CRTC1: variants seen among roughly 807,000 people sequenced by gnomAD.
CRTC1 encodes CREB regulated transcription coactivator 1.
Under a neutral mutation model 66.1 loss-of-function variants are expected in CRTC1, and 18 were observed. The observed-to-expected ratio is 0.27, with a 90% CI of 0.19 to 0.40. The LOEUF is 0.40. CRTC1 is among the 10% of genes least tolerant of loss of function. The probability of loss-of-function intolerance (pLI) is 1.00; values close to 1 mark genes in which losing one functional copy is unlikely to be tolerated. For synonymous variants in CRTC1, 416 were observed against 398.8 expected (o/e 1.04, Z -0.51); for missense variants, 669 against 887.9 (o/e 0.75, Z 3.13).
chr19:18,731,890 C>T (rs532008113), intron 1 of CRTC1, among the ~76,000 whole-genome samples: 4 of 152,298 alleles, frequency 2.6e-5, no homozygotes, highest in South Asian at 4.1e-4. Flanking sequence ...CACTGGAGCC[C>T]GACCCAGGAA....
intron 1 of CRTC1, among the ~76,000 whole-genome samples, chr19:18,718,734 C>G (rs776063774): frequency 6.6e-6 from 1 of 152,094 alleles, no homozygotes; most frequent in African/African-American, 2.4e-5. Flanking sequence ...GTTTTCCCAC[C>G]TTTTGGCTGT....
chr19:18,761,500 T>G (rs897454241), intron 8 of CRTC1, among the ~76,000 whole-genome samples: 7 of 152,252 alleles, frequency 4.6e-5, no homozygotes, highest in Non-Finnish European at 1.0e-4. Flanking sequence ...CAGCCCATCC[T>G]GCCTCTGCCC....
At chr19:18,732,640 T>C (rs976426180) in intron 1 of CRTC1, among the ~76,000 whole-genome samples, 9 of 152,278 alleles carry the variant, frequency 5.9e-5, no homozygotes, top group African/African-American at 2.2e-4. Context: ...GAATGGGAAC[T>C]GTTGTGGAAG....
intron 4 of CRTC1, 79 bp from the exon 5 acceptor site, chr19:18,749,702 C>A (rs2054320783): frequency 1.7e-6 from 2 of 1,173,184 alleles, no homozygotes; most frequent in South Asian, 1.2e-5. Flanking sequence ...GTCCATCCAG[C>A]GTGTCCCAGC....
intron 11 of CRTC1, among the ~76,000 whole-genome samples, chr19:18,772,752 C>T (rs1350996914): frequency 1.3e-5 from 2 of 152,160 alleles, no homozygotes; most frequent in African/African-American, 2.4e-5. Flanking sequence ...GCAGTGGTCT[C>T]GGGGAGGCAT....
At chr19:18,724,558 G>A (rs1027837095) in intron 1 of CRTC1, among the ~76,000 whole-genome samples, 1 of 151,654 alleles carries the variant, frequency 6.6e-6, no homozygotes, top group Non-Finnish European at 1.5e-5. Context: ...CGGCAGGGCC[G>A]AGCTTCCTCT....
chr19:18,746,269 G>A (rs2054234086), intron 3 of CRTC1, among the ~76,000 whole-genome samples: 1 of 152,134 alleles, frequency 6.6e-6, no homozygotes, highest in Non-Finnish European at 1.5e-5. Context: ...AGGGCAGTGG[G>A]GCCAGGAAGG....
At chr19:18,717,013 GTGTGCGTGTGAGCATA>G (rs1054023836) in intron 1 of CRTC1, among the ~76,000 whole-genome samples, 6 of 152,196 alleles carry the variant, frequency 3.9e-5, no homozygotes, top group Admixed American at 3.9e-4. Context: ...GAGCATGTGT[GTGTGCGTGTGAGCATA>G]TGTGCATGCA....
rs1334545360 is a variant in CRTC1, at chr19:18,778,601, G to A, written c.*1219G>A. On this transcript the variant is annotated 3_prime_UTR_variant, in exon 14 of 14. Transcript: ENST00000321949. ...TGCCAGGGCCACAGAACAGACTTCC[G>A]GGAAGGGGCCTTGGCTTTTATTGAG... 11 of 230,594 alleles carry A rather than the reference G, an allele frequency of 4.8e-5. No individual in the cohort carries two copies. Among genetic ancestry groups the A allele is most frequent in the East Asian group, 2.5e-4 (4 of 16,270 alleles). The allele number at this position is 230,594 out of a possible 1,614,324, so 14.3% of individuals were successfully genotyped here.
At chr19:18,709,052 C>T (rs766285128) in intron 1 of CRTC1, among the ~76,000 whole-genome samples, 17 of 152,172 alleles carry the variant, frequency 1.1e-4, no homozygotes, top group Non-Finnish European at 7.4e-5. Context: ...CCTCTGAGCC[C>T]GCATGGTGCT....
At chr19:18,719,718 C>T (rs1021154019) in intron 1 of CRTC1, among the ~76,000 whole-genome samples, 10 of 152,336 alleles carry the variant, frequency 6.6e-5, no homozygotes, top group African/African-American at 2.4e-4. Flanking sequence ...GGAGGTGGCT[C>T]CTGGCAGATC....
rs541384246 is a variant in CRTC1 at position 18,733,449 on chromosome 19, C to T, written c.127-9461C>T. ...GGAAATTTGGCAGCAGCAACCATGCCTGATAAAAGGCATTCCGAGGCAGGC... is the reference window on the plus strand; with the variant it reads ...GGAAATTTGGCAGCAGCAACCATGCTTGATAAAAGGCATTCCGAGGCAGGC... On this transcript the variant is annotated intron_variant, in intron 1 of 13. Coordinates refer to ENST00000321949, the MANE Select transcript of CRTC1 (RefSeq NM_015321.3). Among the ~76,000 whole-genome samples, 5 of 152,304 alleles carry T rather than the reference C, an allele frequency of 3.3e-5. No individual in the cohort carries two copies. In the East Asian group the frequency reaches 7.7e-4, roughly 24 times the overall value.
rs2055109155 is a variant in CRTC1, at chr19:18,781,802, C to G, written c.*4420C>G. Reference sequence around the variant, plus strand: ...CCAGAGCCTGTATCCACCTTCTGGGCTCCTGGCCAGCACCCCACCCCCAGG... The same window carrying G: ...CCAGAGCCTGTATCCACCTTCTGGGGTCCTGGCCAGCACCCCACCCCCAGG... On this transcript the variant is annotated 3_prime_UTR_variant, in exon 14 of 14. Transcript: ENST00000321949. 4.3e-6 allele frequency: 1 copy of G among 230,794 alleles called. No homozygotes were observed. The highest frequency in any genetic ancestry group is 2.2e-5 in the African/African-American group (1 of 45,254). The allele number at this position is 230,794 out of a possible 1,614,324, so 14.3% of individuals were successfully genotyped here.
intron 1 of CRTC1, among the ~76,000 whole-genome samples, chr19:18,706,773 T>C (rs1600798737): frequency 6.6e-6 from 1 of 152,246 alleles, no homozygotes; most frequent in Admixed American, 6.5e-5. Context: ...CATCTTTTCA[T>C]GTGCTTATTG....
At chr19:18,746,109 A>C in intron 3 of CRTC1, 149 bp downstream of exon 3, 26 of 1,177,126 alleles carry the variant, frequency 2.2e-5, no homozygotes, top group South Asian at 3.2e-5. Context: ...GCTTGATCTC[A>C]GGGCAGCCTG....
rs146660168 is a variant in CRTC1, at chr19:18,756,941, A to C, written c.625-2610A>C. 1.7e-3 allele frequency among the ~76,000 whole-genome samples: 260 copies of C among 152,320 alleles called. 7 individuals carry two copies. In the East Asian group the frequency reaches 0.044, roughly 26 times the overall value. On this transcript the variant is annotated intron_variant, in intron 6 of 13. Coordinates refer to ENST00000321949, the MANE Select transcript of CRTC1 (RefSeq NM_015321.3). Reference sequence around the variant, plus strand: ...CGAATGTTTACTCTCAGAATGAAGGAGGCTCTGGCCAAGCAGAAACCCATT... The same window carrying C: ...CGAATGTTTACTCTCAGAATGAAGGCGGCTCTGGCCAAGCAGAAACCCATT...
At chr19:18,726,195 G>A (rs753725001) in intron 1 of CRTC1, among the ~76,000 whole-genome samples, 4 of 152,236 alleles carry the variant, frequency 2.6e-5, no homozygotes, top group Non-Finnish European at 4.4e-5. Context: ...GGGCAGGAAC[G>A]TTGCTCAGGC....
chr19:18,755,284 T>C (rs2054458734), intron 6 of CRTC1, among the ~76,000 whole-genome samples: 2 of 151,958 alleles, frequency 1.3e-5, no homozygotes, highest in South Asian at 4.1e-4. Flanking sequence ...TTTTTAGAAA[T>C]AGGGTCTCTC....
At chr19:18,728,834 A>C (rs2053820629) in intron 1 of CRTC1, among the ~76,000 whole-genome samples, 2 of 31,636 alleles carry the variant, frequency 6.3e-5, no homozygotes, top group Admixed American at 3.6e-4. Flanking sequence ...TTTTTTTGAG[A>C]CAGAGTCTTG....
Sources: allele counts gnomAD v4.1 joint callset (sites outside exome capture counted in the v4.1 genomes callset), GRCh38; gene constraint gnomAD v4.1.1; transcripts MANE v1.5; gene names NCBI Gene and HGNC (gene_info 2026-07-23, HGNC 2026-07-21).